Variants in PRPF8 observed in about 807,000 individuals in gnomAD.
The protein encoded by PRPF8 is pre-mRNA-processing-splicing factor 8.
A neutral mutation model predicts 285.9 loss-of-function variants in PRPF8; 64 were observed. That is an observed-to-expected ratio of 0.22 (90% CI 0.18 to 0.28). The LOEUF (loss-of-function observed/expected upper bound fraction) is 0.28, where lower values mean the gene tolerates loss of function less well. Ranked by LOEUF, PRPF8 falls within the 10% of genes least tolerant of loss-of-function variation. The pLI, the probability that PRPF8 is intolerant of heterozygous loss-of-function variation, is 1.00. For synonymous variants in PRPF8, 1,325 were observed against 1,118.2 expected (o/e 1.18, Z -3.69); for missense variants, 1,426 against 3,026.7 (o/e 0.47, Z 12.41).
At position 1,675,345 on chromosome 17, in the gene PRPF8, G is replaced by T. The variant is rs761572454; in HGVS notation, c.2873-6C>A. The T allele has an allele frequency of 5.6e-6, 9 of 1,614,060 alleles. No homozygotes were observed. Among genetic ancestry groups the T allele is most frequent in the Admixed American group, 1.7e-5 (1 of 60,014 alleles). On this transcript the variant is annotated splice_region_variant and splice_polypyrimidine_tract_variant and intron_variant, in intron 19 of 42. Coordinates refer to ENST00000304992, the MANE Select transcript of PRPF8 (RefSeq NM_006445.4). The surrounding 1 kb of genome is among the most constrained non-coding windows in gnomAD (Gnocchi z 6.0). The stretch of plus-strand genomic sequence containing the variant: ...GTCCTGCAGGTTATTGATGCCTGAG[G>T]AGTAGCAAGGCAGGTCTCCAGCAGG...
At position 1,679,835 on chromosome 17, in the gene PRPF8, C is replaced by T; in HGVS notation, c.1099-36G>A. ...AATCCCTCTAAGGGTTTAGCTCCTG[C>T]TGAACTAGGCACAGACTTAAGATGA... On this transcript the variant is annotated intron_variant, in intron 8 of 42. Coordinates refer to ENST00000304992, the MANE Select transcript of PRPF8 (RefSeq NM_006445.4). This position sits in a 1 kb window ranked among gnomAD's most constrained non-coding sequence, Gnocchi z 4.7. The T allele has an allele frequency of 6.2e-7, 1 of 1,609,104 alleles. No individual in the cohort carries two copies. Among genetic ancestry groups the T allele is most frequent in the Non-Finnish European group, 8.5e-7 (1 of 1,175,366 alleles).
Position 1,661,848 on chromosome 17 carries a change from C to G in PRPF8, c.4022+58G>C. 1 of 1,614,130 alleles carries G rather than the reference C, an allele frequency of 6.2e-7. No homozygotes were observed. The highest frequency in any genetic ancestry group is 8.5e-7 in the Non-Finnish European group (1 of 1,180,016). On this transcript the variant is annotated intron_variant, in intron 25 of 42. Coordinates refer to ENST00000304992, the MANE Select transcript of PRPF8 (RefSeq NM_006445.4). This position sits in a 1 kb window ranked among gnomAD's most constrained non-coding sequence, Gnocchi z 7.3. ...AATAAAGCCTAAAACTAAAGAAATA[C>G]CCACTTCCCTTAGGGCCTGAGCAAT...
At chr17:1,668,928 T>C (rs1912152258) in intron 24 of PRPF8, among the ~76,000 whole-genome samples, 1 of 152,058 alleles carries the variant, frequency 6.6e-6, no homozygotes, top group Non-Finnish European at 1.5e-5. Context: ...CACAACTCTT[T>C]CCCCTAACTG....
At chr17:1,668,304 C>G (rs1197660054) in intron 24 of PRPF8, among the ~76,000 whole-genome samples, 1 of 151,376 alleles carries the variant, frequency 6.6e-6, no homozygotes. Context: ...ATGGCCTCTT[C>G]TGCTCTCTCT....
At position 1,659,005 on chromosome 17, in the gene PRPF8, G is replaced by A. The variant is rs150125551; in HGVS notation, c.5139-242C>T. 1.5e-4 allele frequency: 88 copies of A among 600,682 alleles called. No individual in the cohort carries two copies. The African/African-American group carries it at 1.5e-3, about 10-fold the overall frequency. The allele number at this position is 600,682 out of a possible 1,614,324, so 37.2% of individuals were successfully genotyped here. ...AGTATGGAGCTAATGGAAAATACAC[G>A]GATTATTTATTTATTTATTATTATT... On this transcript the variant is annotated intron_variant, in intron 32 of 42. Coordinates refer to ENST00000304992, the MANE Select transcript of PRPF8 (RefSeq NM_006445.4). This position sits in a 1 kb window ranked among gnomAD's most constrained non-coding sequence, Gnocchi z 5.1.
intron 24 of PRPF8, among the ~76,000 whole-genome samples, chr17:1,670,728 C>A (rs1912265396): frequency 6.6e-6 from 1 of 150,654 alleles, no homozygotes; most frequent in Admixed American, 6.6e-5. Flanking sequence ...CTCAGGTGAT[C>A]CACCTGCCTG....
At position 1,673,702 on chromosome 17, in the gene PRPF8, T is replaced by C. The variant is rs776687015; in HGVS notation, c.3446+44A>G. On this transcript the variant is annotated intron_variant, in intron 22 of 42. Transcript: ENST00000304992. This position sits in a 1 kb window ranked among gnomAD's most constrained non-coding sequence, Gnocchi z 5.5. The stretch of plus-strand genomic sequence containing the variant: ...CTCAGGTATGCCCTCTCTGGGCCCT[T>C]AGCTTATGTCCTTCCAGCTCACACA... The C allele has an allele frequency of 5.6e-5, 91 of 1,613,176 alleles. No homozygotes were observed. The highest frequency in any genetic ancestry group is 1.8e-4 in the Middle Eastern group (1 of 5,574).
In PRPF8 at chr17:1,681,952, G is replaced by A; in HGVS notation, c.521C>T (p.Pro174Leu). The stretch of plus-strand genomic sequence containing the variant: ...GATGTTGTCAGCATAGTCCAAGGGC[G>A]GCTCCTCATCATCAAAAGGGGGAAA... Reference protein sequence around the residue: ...MRFPPFDDEEPPLDYADNILD... With the variant: ...MRFPPFDDEELPLDYADNILD... Residue 174 changes from proline to leucine, a missense_variant, in exon 5 of 43, where the codon CCG (proline) becomes CTG (leucine). Coordinates refer to ENST00000304992, the MANE Select transcript of PRPF8 (RefSeq NM_006445.4). The A allele has an allele frequency of 6.2e-7, 1 of 1,613,920 alleles. No homozygotes were observed. The highest frequency in any genetic ancestry group is 8.5e-7 in the Non-Finnish European group (1 of 1,179,990).
rs1465584537 is a variant in PRPF8 at position 1,673,858 on chromosome 17, G to A, written c.3334C>T (p.Arg1112Cys). Residue 1112 changes from arginine to cysteine, a missense_variant, in exon 22 of 43, where the codon CGT (arginine) becomes TGT (cysteine). Transcript: ENST00000304992. The surrounding 1 kb of genome is among the most constrained non-coding windows in gnomAD (Gnocchi z 5.5). ...TADEARDLIQ[R>C]YLTEHPDPNN... is the part of the protein sequence containing the mutation. ...GGGTCAGGGTGCTCTGTCAGGTAAC[G>A]TTGAATCAGGTCCCGAGCCTCATCT... 16 of 1,613,776 alleles carry A rather than the reference G, an allele frequency of 9.9e-6. No homozygotes were observed. The highest frequency in any genetic ancestry group is 1.4e-5 in the Non-Finnish European group (16 of 1,180,024).
intron 24 of PRPF8, among the ~76,000 whole-genome samples, chr17:1,665,777 C>T (rs888341958): frequency 4.7e-5 from 7 of 147,430 alleles, no homozygotes; most frequent in African/African-American, 1.0e-4. Flanking sequence ...ACTCAGAGGG[C>T]GGAGGTTGCA....
At position 1,674,794 on chromosome 17, in the gene PRPF8, G is replaced by A. The variant is rs753283166; in HGVS notation, c.3061-114C>T. ...TTCTACTTTTTTCCACTCCCGAGGCGGAGTTGTGCTCAGTCACCCAGGCTG... is the reference window on the plus strand; with the variant it reads ...TTCTACTTTTTTCCACTCCCGAGGCAGAGTTGTGCTCAGTCACCCAGGCTG... On this transcript the variant is annotated intron_variant, in intron 20 of 42. Transcript: ENST00000304992. The A allele has an allele frequency of 8.6e-5, 97 of 1,128,466 alleles. No individual in the cohort carries two copies. The African/African-American group carries it at 9.5e-4, about 11-fold the overall frequency. The allele number at this position is 1,128,466 out of a possible 1,614,324, so 69.9% of individuals were successfully genotyped here.
chr17:1,650,863 T>A lies in PRPF8; in HGVS notation c.6947A>T (p.Asn2316Ile). The A allele has an allele frequency of 6.2e-7, 1 of 1,614,138 alleles. No homozygotes were observed. The highest frequency in any genetic ancestry group is 8.5e-7 in the Non-Finnish European group (1 of 1,180,016). The change falls in exon 43 of 43, where the codon AAC (asparagine) becomes ATC (isoleucine). Residue 2316 changes from asparagine (N) to isoleucine (I), a missense_variant. Asn to Ile is a moderately radical substitution (Grantham distance 149). Coordinates refer to ENST00000304992, the MANE Select transcript of PRPF8 (RefSeq NM_006445.4). ...CTCCCCCTCCTGCAGGAGAGCAAAG[T>A]TGAGGAAGTGAGAGGGCCTGTGCAC... ...HEVHRPSHFLNFALLQEGEVY... is the reference protein window; with the variant it reads ...HEVHRPSHFLIFALLQEGEVY...
In PRPF8 at chr17:1,678,574, G is replaced by A. The variant is rs1343987148; in HGVS notation, c.1798C>T (p.Arg600Ter). Residue 600 changes from arginine (R) to a stop codon, truncating the protein, a stop_gained, in exon 13 of 43, where the codon CGA becomes TGA. Coordinates refer to ENST00000304992, the MANE Select transcript of PRPF8 (RefSeq NM_006445.4). LOFTEE classifies it high-confidence loss of function. ...GMYRYKYKLM[R>*]QIRMCKDLKH... is the part of the protein sequence containing the mutation. Reference sequence around the variant, plus strand: ...AGGTCCTTGCACATGCGAATCTGTCGCATCAGCTTGTATTTGTATCGATAC... The same window carrying A: ...AGGTCCTTGCACATGCGAATCTGTCACATCAGCTTGTATTTGTATCGATAC... 3 of 1,614,190 alleles carry A rather than the reference G, an allele frequency of 1.9e-6. No individual in the cohort carries two copies. The highest frequency in any genetic ancestry group is 1.3e-5 in the African/African-American group (1 of 75,042).
Position 1,684,482 on chromosome 17 carries a change from C to T in PRPF8, c.90G>A (p.Leu30=). 6 of 1,612,708 alleles carry T rather than the reference C, an allele frequency of 3.7e-6. No individual in the cohort carries two copies. Among genetic ancestry groups the T allele is most frequent in the Non-Finnish European group, 5.1e-6 (6 of 1,179,766 alleles). ...PLPDYMSEEK[L]QEKARKWQQL... Reference sequence around the variant, plus strand: ...ACACTCTCGCCTCACCTTTCTCCTGCAGCTTCTCCTCCGACATGTAGTCCG... The same window carrying T: ...ACACTCTCGCCTCACCTTTCTCCTGTAGCTTCTCCTCCGACATGTAGTCCG... Residue 30 remains leucine, a synonymous_variant, in exon 2 of 43, where the codon CTG becomes CTA. Transcript: ENST00000304992.
intron 8 of PRPF8, 108 bp downstream of exon 8, chr17:1,680,618 A>C (rs1237433823): frequency 9.8e-7 from 1 of 1,022,290 alleles, no homozygotes; most frequent in Non-Finnish European, 1.5e-6. Context: ...GGGAACACTT[A>C]GCAAGACGGA....
At chr17:1,655,249 C>G in intron 37 of PRPF8, 101 bp downstream of exon 37, 1 of 1,349,538 alleles carries the variant, frequency 7.4e-7, no homozygotes, top group South Asian at 1.2e-5. Flanking sequence ...TGAGCCACCG[C>G]GCCTGGCCTT....
At position 1,675,219 on chromosome 17, in the gene PRPF8, C is replaced by T; in HGVS notation, c.2993G>A (p.Arg998His). The T allele has an allele frequency of 6.2e-7, 1 of 1,614,136 alleles. No homozygotes were observed. The change falls in exon 20 of 43, where the codon CGC (arginine) becomes CAC (histidine). Residue 998 changes from arginine to histidine, a missense_variant. This residue lies in a region of PRPF8 where 32 missense variants were observed against 89.2 expected (regional missense o/e 0.36). Coordinates refer to ENST00000304992, the MANE Select transcript of PRPF8 (RefSeq NM_006445.4). The surrounding 1 kb of genome is among the most constrained non-coding windows in gnomAD (Gnocchi z 6.0). ...GGCTATGTTGTGGTCCACGATGAGG[C>T]GCAGCAGCCTGTTGAGCAGAGTCAA... Reference protein sequence around the residue: ...IDLTLLNRLLRLIVDHNIADY... With the variant: ...IDLTLLNRLLHLIVDHNIADY...
Position 1,659,275 on chromosome 17 carries a change from C to A in PRPF8, c.5138+82G>T. ...TCCTGAGCTCAGACAATCTGCCCAC[C>A]GCGGCCTCCCAAAGTGCTGGGATTA... On this transcript the variant is annotated intron_variant, in intron 32 of 42. Transcript: ENST00000304992. This position sits in a 1 kb window ranked among gnomAD's most constrained non-coding sequence, Gnocchi z 5.1. 4 of 1,499,558 alleles carry A rather than the reference C, an allele frequency of 2.7e-6. No homozygotes were observed. Among genetic ancestry groups the A allele is most frequent in the Non-Finnish European group, 3.7e-6 (4 of 1,079,268 alleles). The allele number at this position is 1,499,558 out of a possible 1,614,324, so 92.9% of individuals were successfully genotyped here. A position where few individuals can be genotyped will look rare whatever the true frequency, so the allele number is the denominator to read the frequency against.
intron 39 of PRPF8, among the ~76,000 whole-genome samples, chr17:1,652,488 C>T (rs1911136459): frequency 6.6e-6 from 1 of 152,224 alleles, no homozygotes; most frequent in South Asian, 2.1e-4. Flanking sequence ...ATTCACCCAC[C>T]TTGGCCCAAA....
Sources: gnomAD v4.1 joint callset for allele counts (sites outside exome capture counted in the v4.1 genomes callset) on GRCh38, gnomAD v4.1.1 for gene constraint, gnomAD v4.1.1 regional missense constraint, Gnocchi (gnomAD v3.1) non-coding constraint, MANE v1.5 for transcripts, NCBI Gene and HGNC (gene_info 2026-07-23, HGNC 2026-07-21) for gene names.